The following NAA11 variants were observed in gnomAD, a reference collection of about 807,000 sequenced individuals.
The protein encoded by NAA11 is N-alpha-acetyltransferase 11, NatA catalytic subunit, also known as N-alpha-acetyltransferase 11.
A neutral mutation model predicts 16.1 loss-of-function variants in NAA11; 15 were observed. The observed-to-expected ratio is 0.93, with a 90% CI of 0.62 to 1.44. NAA11 has a LOEUF of 1.44. Among genes scored for constraint, NAA11 ranks in the 40% most tolerant of loss-of-function variants. The pLI, the probability that NAA11 is intolerant of heterozygous loss-of-function variation, is 0.00. For synonymous variants in NAA11, 122 were observed against 112.4 expected, an observed-to-expected ratio of 1.09 and a Z score of -0.54; for missense variants, 298 against 291.3, an observed-to-expected ratio of 1.02 and a Z score of -0.17.
chr4:79,232,092 A>G (rs989076658), intron 2 of NAA11, among the ~76,000 whole-genome samples: 2 of 151,820 alleles, frequency 1.3e-5, no homozygotes, highest in African/African-American at 4.8e-5. Flanking sequence ...GAATTTATGG[A>G]TGAAATGATA....
chr4:79,190,580 C>G, the NAA11 span, among the ~76,000 whole-genome samples: 2 of 152,090 alleles, frequency 1.3e-5, no homozygotes. Context: ...TCATCCTGTG[C>G]CAGTTGCTGT....
chr4:79,306,998 G>A (rs1390448193), intron 1 of NAA11: 2 of 152,186 alleles, frequency 1.3e-5, no homozygotes, highest in Non-Finnish European at 2.9e-5. Context: ...ACTCATCCCT[G>A]ATATATGTCC....
the NAA11 span, among the ~76,000 whole-genome samples, chr4:79,185,887 T>C: frequency 6.6e-6 from 1 of 151,950 alleles, no homozygotes. Context: ...AAAAAAAAAC[T>C]TCATTTATGG....
chr4:79,227,972 T>C (rs563168450), intron 2 of NAA11: 2 of 152,172 alleles, frequency 1.3e-5, no homozygotes, highest in African/African-American at 2.4e-5. Flanking sequence ...AGAAGTCTTC[T>C]GGAACTTAAC....
downstream of NAA11, among the ~76,000 whole-genome samples, chr4:79,311,810 T>G (rs537036406): frequency 6.6e-6 from 1 of 152,248 alleles, no homozygotes; most frequent in East Asian, 1.9e-4. Flanking sequence ...CCCCAACAAT[T>G]ATAAAGAAGA....
chr4:79,227,768 A>C (rs910404530), intron 2 of NAA11: 1 of 151,966 alleles, frequency 6.6e-6, no homozygotes, highest in Non-Finnish European at 1.5e-5. Flanking sequence ...TGTTTTCTTT[A>C]AGTAACAAGG....
the NAA11 span, among the ~76,000 whole-genome samples, chr4:79,160,922 G>T: frequency 2.0e-5 from 3 of 151,978 alleles, no homozygotes; most frequent in Non-Finnish European, 2.9e-5. Flanking sequence ...ATAAATGTGG[G>T]TGTTTAAGTA....
chr4:79,219,899 C>T, the NAA11 span, among the ~76,000 whole-genome samples: 2 of 152,160 alleles, frequency 1.3e-5, no homozygotes, highest in Admixed American at 6.6e-5. Flanking sequence ...CAAGTTTCTC[C>T]AACTGTCCCC....
At chr4:79,218,555 A>G in the NAA11 span, among the ~76,000 whole-genome samples, 1 of 152,108 alleles carries the variant, frequency 6.6e-6, no homozygotes, top group African/African-American at 2.4e-5. Flanking sequence ...GTCATATATG[A>G]TAACTATTAG....
chr4:79,300,507 G>C lies in NAA11; in HGVS notation c.*13-6393C>G, dbSNP rs183286389. 5.0e-3 allele frequency among the ~76,000 whole-genome samples: 766 copies of C among 152,198 alleles called. 2 individuals carry two copies. Among genetic ancestry groups the C allele is most frequent in the African/African-American group, 0.017 (715 of 41,514 alleles). On this transcript the variant is annotated intron_variant and NMD_transcript_variant, in intron 1 of 2. Coordinates refer to the NAA11 transcript ENST00000511542. ...GCAAAATTCAAAGAAACAAACATTT[G>C]ATAAATGTCCACCATATGTTTGGAA...
chr4:79,226,107 G>A (rs1232969534), exon 3 of NAA11: 10 of 152,066 alleles, frequency 6.6e-5, no homozygotes, highest in Admixed American at 6.6e-4. Flanking sequence ...GTGAGTGTGA[G>A]TGTGTGTTTT....
the NAA11 span, among the ~76,000 whole-genome samples, chr4:79,194,453 T>C: frequency 6.6e-6 from 1 of 151,904 alleles, no homozygotes; most frequent in Non-Finnish European, 1.5e-5. Flanking sequence ...GAAGGTGAAG[T>C]GTGGGTCTTT....
At chr4:79,157,172 G>A in the NAA11 span, among the ~76,000 whole-genome samples, 22 of 152,006 alleles carry the variant, frequency 1.4e-4, no homozygotes, top group East Asian at 1.2e-3. Flanking sequence ...GTTCTTTAGC[G>A]GTGATTTGTG....
At chr4:79,270,108 C>T (rs1393662439) in intron 2 of NAA11, among the ~76,000 whole-genome samples, 1 of 150,356 alleles carries the variant, frequency 6.7e-6, no homozygotes, top group Non-Finnish European at 1.5e-5. Context: ...TTACTGTAGC[C>T]TTGTAGTAAA....
the NAA11 span, among the ~76,000 whole-genome samples, chr4:79,167,266 T>TAGAGAGAGAGAG: frequency 8.4e-6 from 1 of 119,312 alleles, no homozygotes; most frequent in African/African-American, 3.6e-5. Flanking sequence ...TATATATATA[T>TAGAGAGAGAGAG]ATATAGAGAG....
At chr4:79,188,594 GA>G in the NAA11 span, among the ~76,000 whole-genome samples, 36 of 136,278 alleles carry the variant, frequency 2.6e-4, no homozygotes, top group Middle Eastern at 3.6e-3. Flanking sequence ...CAAAAAAAAA[GA>G]AAAAAAAAAA....
the NAA11 span, among the ~76,000 whole-genome samples, chr4:79,183,773 C>T: frequency 5.3e-5 from 8 of 152,144 alleles, no homozygotes; most frequent in African/African-American, 1.7e-4. Flanking sequence ...AAGGAAAATA[C>T]GATCTATTTT....
At chr4:79,220,735 C>G (rs1721170675), downstream of NAA11, among the ~76,000 whole-genome samples, 1 of 152,056 alleles carries the variant, frequency 6.6e-6, no homozygotes, top group African/African-American at 2.4e-5. Flanking sequence ...TGATCAATAT[C>G]TCTGTTTTGG....
downstream of NAA11, among the ~76,000 whole-genome samples, chr4:79,313,711 C>T (rs183750239): frequency 4.6e-5 from 7 of 152,200 alleles, no homozygotes; most frequent in East Asian, 3.9e-4. Context: ...ATTTCAAAGA[C>T]GCATTCATGT....
Sources: gnomAD v4.1 joint callset for allele counts (sites outside exome capture counted in the v4.1 genomes callset) on GRCh38, gnomAD v4.1.1 for gene constraint, MANE v1.5 for transcripts, NCBI Gene and HGNC (gene_info 2026-07-23, HGNC 2026-07-21) for gene names.